HIVEP3: variants seen among roughly 807,000 people sequenced by gnomAD.
The protein encoded by HIVEP3 is HIVEP zinc finger 3.
Under a neutral mutation model 152.8 loss-of-function variants are expected in HIVEP3, and 49 were observed. The observed-to-expected ratio is 0.32, with a 90% CI of 0.26 to 0.41. HIVEP3 has a LOEUF of 0.41. Among genes scored for constraint, HIVEP3 ranks in the 10% least tolerant of loss-of-function variants. HIVEP3 has a pLI of 1.00. For synonymous variants in HIVEP3, 1,269 were observed against 1,289.0 expected, an observed-to-expected ratio of 0.98 and a Z score of 0.33; for missense variants, 2,790 against 3,103.3, an observed-to-expected ratio of 0.90 and a Z score of 2.40.
intron 1 of HIVEP3, among the ~76,000 whole-genome samples, chr1:41,795,357 T>C (rs926775518): frequency 2.0e-5 from 3 of 152,252 alleles, no homozygotes; most frequent in Non-Finnish European, 4.4e-5. Flanking sequence ...TTTGGAGGAA[T>C]GTCACAGAAG....
At chr1:41,856,611 G>T (rs1018598767) in intron 1 of HIVEP3, among the ~76,000 whole-genome samples, 1 of 152,142 alleles carries the variant, frequency 6.6e-6, no homozygotes, top group Non-Finnish European at 1.5e-5. Flanking sequence ...CACAAATTCC[G>T]CACTCCCTCC....
At position 41,562,601 on chromosome 1, in the gene HIVEP3, T is replaced by TTCTCTC. The variant is rs72509109; in HGVS notation, c.5207+12937_5207+12942dup. On this transcript the variant is annotated intron_variant, in intron 5 of 8. Coordinates refer to ENST00000372583, the MANE Select transcript of HIVEP3 (RefSeq NM_024503.5). ...TTCCTTCCTTCCTTCCTTCCTTTCT[T>TTCTCTC]TCTCTCTCTCTCTCTCTCTCTCTCT... Among the ~76,000 whole-genome samples the TTCTCTC allele has an allele frequency of 4.6e-3, 584 of 126,222 alleles. 1 individual carries two copies. The highest frequency in any genetic ancestry group is 0.011 in the African/African-American group (350 of 32,540). The allele number at this position is 126,222 out of a possible 152,430, so 82.8% of individuals were successfully genotyped here.
intron 1 of HIVEP3, among the ~76,000 whole-genome samples, chr1:41,755,608 CAAA>C (rs35879725): frequency 9.7e-4 from 139 of 143,280 alleles, no homozygotes; most frequent in Middle Eastern, 3.5e-3. Flanking sequence ...ACACAGCAGT[CAAA>C]AAAAAAAAAA....
At chr1:41,877,582 T>C (rs2182172) in intron 1 of HIVEP3, among the ~76,000 whole-genome samples, 132,521 of 152,198 alleles carry the variant, frequency 0.87, 58,003 homozygotes, top group East Asian at 1. Flanking sequence ...CAGAACCATT[T>C]CTCACACCCC....
At chr1:41,613,222 G>T (rs1644922507) in intron 3 of HIVEP3, among the ~76,000 whole-genome samples, 1 of 152,258 alleles carries the variant, frequency 6.6e-6, no homozygotes, top group South Asian at 2.1e-4. Context: ...CTGAGTGAAT[G>T]ATTTCTTTCC....
At chr1:41,972,357 A>AT (rs1270632244) in intron 1 of HIVEP3, among the ~76,000 whole-genome samples, 1 of 152,218 alleles carries the variant, frequency 6.6e-6, no homozygotes, top group Non-Finnish European at 1.5e-5. Context: ...TCCAGGAACC[A>AT]TTAGGAGCCA....
At chr1:41,946,154 C>A (rs1288373240) in intron 1 of HIVEP3, among the ~76,000 whole-genome samples, 2 of 152,192 alleles carry the variant, frequency 1.3e-5, no homozygotes, top group Non-Finnish European at 2.9e-5. Flanking sequence ...TCTACAAGGA[C>A]GCTTTAGAAA....
intron 5 of HIVEP3, among the ~76,000 whole-genome samples, chr1:41,568,294 G>C (rs1471252012): frequency 6.6e-6 from 1 of 152,264 alleles, no homozygotes; most frequent in African/African-American, 2.4e-5. Flanking sequence ...ATGGAGAGAA[G>C]TGAGGGGGCC....
chr1:41,646,475 AG>A (rs1645461378), intron 2 of HIVEP3, among the ~76,000 whole-genome samples: 1 of 152,172 alleles, frequency 6.6e-6, no homozygotes, highest in South Asian at 2.1e-4. Flanking sequence ...GAGAAACAGG[AG>A]GGCTTATGGA....
chr1:41,525,060 G>A (rs1232997931), intron 5 of HIVEP3, 150 bp from the exon 6 acceptor site: 2 of 723,510 alleles, frequency 2.8e-6, no homozygotes, highest in Non-Finnish European at 4.5e-6. Flanking sequence ...ACGAGAGTGG[G>A]AGGAACTGAG....
At chr1:41,927,070 C>G (rs1345763203) in intron 1 of HIVEP3, among the ~76,000 whole-genome samples, 2 of 152,176 alleles carry the variant, frequency 1.3e-5, no homozygotes, top group African/African-American at 4.8e-5. Context: ...GTTCAAGAAC[C>G]AGGAGAGTCT....
chr1:41,888,332 A>G (rs141467613), intron 1 of HIVEP3, among the ~76,000 whole-genome samples: 2,158 of 150,974 alleles, frequency 0.014, 42 homozygotes, highest in African/African-American at 0.04. Flanking sequence ...GATTACAGGC[A>G]TGAGCCACCA....
At chr1:41,959,006 T>C (rs957133594) in intron 1 of HIVEP3, among the ~76,000 whole-genome samples, 1 of 152,200 alleles carries the variant, frequency 6.6e-6, no homozygotes, top group Non-Finnish European at 1.5e-5. Flanking sequence ...TAACTACCAC[T>C]GGACAGGAGA....
At chr1:41,959,825 C>T (rs639559) in intron 1 of HIVEP3, among the ~76,000 whole-genome samples, 117,990 of 152,030 alleles carry the variant, frequency 0.78, 46,178 homozygotes, top group East Asian at 0.96. Flanking sequence ...ACAGTTTTTG[C>T]TAAAATTAAG....
At chr1:41,565,213 T>C (rs1484341386) in intron 5 of HIVEP3, among the ~76,000 whole-genome samples, 1 of 152,164 alleles carries the variant, frequency 6.6e-6, no homozygotes, top group East Asian at 1.9e-4. Context: ...ACAACACTAA[T>C]GAGAGGATAG....
chr1:41,671,302 C>A (rs1166017417), intron 2 of HIVEP3, among the ~76,000 whole-genome samples: 1 of 152,250 alleles, frequency 6.6e-6, no homozygotes, highest in Non-Finnish European at 1.5e-5. Context: ...GAAGCAGATC[C>A]GCTCCGAAGC....
intron 1 of HIVEP3, among the ~76,000 whole-genome samples, chr1:41,915,091 G>C (rs1479995341): frequency 1.3e-5 from 2 of 151,980 alleles, no homozygotes; most frequent in Non-Finnish European, 2.9e-5. Flanking sequence ...AACCTCACAG[G>C]TGCCATTATC....
intron 2 of HIVEP3, among the ~76,000 whole-genome samples, chr1:41,697,406 T>C (rs760669586): frequency 1.3e-5 from 2 of 152,236 alleles, no homozygotes; most frequent in African/African-American, 2.4e-5. Context: ...GGGAGTGAGT[T>C]TTGAATTATT....
intron 1 of HIVEP3, among the ~76,000 whole-genome samples, chr1:41,784,692 AC>A (rs1649244799): frequency 6.6e-6 from 1 of 152,244 alleles, no homozygotes; most frequent in African/African-American, 2.4e-5. Flanking sequence ...AGTTTCCATG[AC>A]TTACTCAAGT....
Sources: gnomAD v4.1 joint callset for allele counts (sites outside exome capture counted in the v4.1 genomes callset) on GRCh38, gnomAD v4.1.1 for gene constraint, MANE v1.5 for transcripts, NCBI Gene and HGNC (gene_info 2026-07-23, HGNC 2026-07-21) for gene names.